DOCK3: variants seen among roughly 807,000 people sequenced by gnomAD.
DOCK3 encodes the protein dedicator of cytokinesis protein 3.
A neutral mutation model predicts 265.6 loss-of-function variants in DOCK3; 60 were observed. The ratio of observed to expected loss-of-function variants is 0.23; its 90% CI spans 0.18 to 0.28. The LOEUF (loss-of-function observed/expected upper bound fraction) is 0.28. DOCK3 is among the 10% of genes least tolerant of loss of function. DOCK3 has a pLI of 1.00. For synonymous variants in DOCK3, 881 were observed against 938.0 expected (o/e 0.94, Z 1.11); for missense variants, 1,981 against 2,594.3 (o/e 0.76, Z 5.14).
chr3:50,796,139 C>A (rs2042762401), intron 2 of DOCK3, among the ~76,000 whole-genome samples: 1 of 151,656 alleles, frequency 6.6e-6, no homozygotes, highest in South Asian at 2.1e-4. Flanking sequence ...CTCCTGGGTT[C>A]ACGCCATTCT....
intron 4 of DOCK3, among the ~76,000 whole-genome samples, chr3:50,895,393 CTTT>C (rs1252465360): frequency 1.4e-5 from 2 of 146,104 alleles, no homozygotes; most frequent in Non-Finnish European, 3.0e-5. Context: ...TCTTCTTCTT[CTTT>C]TTTTTTTAAG....
rs141259233 is a variant in DOCK3 at position 51,044,671 on chromosome 3, G to T, written c.316-19777G>T. Among the ~76,000 whole-genome samples, 654 of 151,130 alleles carry T rather than the reference G, an allele frequency of 4.3e-3. 8 individuals carry two copies. The highest frequency in any genetic ancestry group is 0.013 in the African/African-American group (555 of 41,202). The stretch of plus-strand genomic sequence containing the variant: ...CAGTAGAAGGCTGTTTTGAAAATCT[G>T]TTGTTTCCTGTACCCATGTTCATCA... On this transcript the variant is annotated intron_variant, in intron 5 of 52. Transcript: ENST00000266037.
intron 22 of DOCK3, among the ~76,000 whole-genome samples, chr3:51,254,747 G>C (rs1576556793): frequency 6.6e-6 from 1 of 151,614 alleles, no homozygotes; most frequent in East Asian, 1.9e-4. Context: ...CCTTTATTTT[G>C]AGCCTATGTG....
intron 12 of DOCK3, among the ~76,000 whole-genome samples, chr3:51,168,923 A>G (rs2086539595): frequency 6.6e-6 from 1 of 152,234 alleles, no homozygotes; most frequent in Non-Finnish European, 1.5e-5. Flanking sequence ...AAAACTGGGC[A>G]AAGGACATGT....
At chr3:51,199,621 A>G (rs1438972056) in intron 12 of DOCK3, among the ~76,000 whole-genome samples, 1 of 152,212 alleles carries the variant, frequency 6.6e-6, no homozygotes, top group East Asian at 1.9e-4. Context: ...GGCACAGACA[A>G]ACAAAAAGAC....
chr3:51,286,677 A>C (rs1360269656), intron 27 of DOCK3, among the ~76,000 whole-genome samples: 1 of 152,142 alleles, frequency 6.6e-6, no homozygotes, highest in Non-Finnish European at 1.5e-5. Flanking sequence ...TACCTACAAC[A>C]ATCTCATTTA....
intron 32 of DOCK3, among the ~76,000 whole-genome samples, chr3:51,328,865 C>A (rs1037444804): frequency 2.0e-5 from 3 of 151,846 alleles, no homozygotes; most frequent in African/African-American, 7.3e-5. Flanking sequence ...TAAAGGTTAA[C>A]AAAGGGGTCC....
chr3:51,280,933 C>T (rs2081076521), intron 27 of DOCK3, among the ~76,000 whole-genome samples: 1 of 152,090 alleles, frequency 6.6e-6, no homozygotes, highest in African/African-American at 2.4e-5. Flanking sequence ...CAGGAAGCTT[C>T]TACTACTATT....
chr3:51,175,207 TGGGTGGGC>T (rs2086876890), intron 12 of DOCK3, among the ~76,000 whole-genome samples: 1 of 152,088 alleles, frequency 6.6e-6, no homozygotes, highest in Non-Finnish European at 1.5e-5. Context: ...CTTGGGTCCC[TGGGTGGGC>T]GGGACTGCTC....
intron 9 of DOCK3, among the ~76,000 whole-genome samples, chr3:51,135,954 C>G (rs2084774799): frequency 6.6e-6 from 1 of 152,158 alleles, no homozygotes; most frequent in Non-Finnish European, 1.5e-5. Context: ...AAGTGATCCT[C>G]CTGCCTTGGT....
chr3:50,990,188 C>T (rs1460602119), intron 5 of DOCK3, among the ~76,000 whole-genome samples: 2 of 152,110 alleles, frequency 1.3e-5, no homozygotes, highest in Non-Finnish European at 1.5e-5. Context: ...CATTGGCATC[C>T]CTGAAAGGCA....
At chr3:50,698,357 C>G (rs371153704) in intron 1 of DOCK3, among the ~76,000 whole-genome samples, 14 of 151,782 alleles carry the variant, frequency 9.2e-5, no homozygotes, top group African/African-American at 3.4e-4. Context: ...TACGTCATTC[C>G]TTTTTATGGC....
chr3:50,926,704 C>G (rs575151350), intron 4 of DOCK3, among the ~76,000 whole-genome samples: 3 of 152,032 alleles, frequency 2.0e-5, no homozygotes, highest in African/African-American at 4.8e-5. Context: ...GATGTGAGCA[C>G]GTTATGGACT....
At chr3:50,978,193 G>A (rs1288502526) in intron 5 of DOCK3, among the ~76,000 whole-genome samples, 1 of 150,262 alleles carries the variant, frequency 6.7e-6, no homozygotes, top group African/African-American at 2.4e-5. Context: ...GTGAGGAACT[G>A]CGTTCCTTTG....
chr3:50,837,844 A>T (rs1367708759), intron 2 of DOCK3, among the ~76,000 whole-genome samples: 1 of 152,154 alleles, frequency 6.6e-6, no homozygotes, highest in Non-Finnish European at 1.5e-5. Context: ...CTGAGGCGGG[A>T]GCCTGCTTAG....
intron 5 of DOCK3, among the ~76,000 whole-genome samples, chr3:51,046,929 CTT>C (rs1434756435): frequency 6.6e-6 from 1 of 151,962 alleles, no homozygotes; most frequent in Non-Finnish European, 1.5e-5. Context: ...AAACAACACT[CTT>C]GAATAGTTAT....
chr3:50,818,261 A>G (rs1004440644), intron 2 of DOCK3, among the ~76,000 whole-genome samples: 2 of 152,220 alleles, frequency 1.3e-5, no homozygotes, highest in African/African-American at 4.8e-5. Context: ...TTTCAGCCCC[A>G]TACCGTACTC....
At chr3:50,756,423 C>T (rs563977111) in intron 1 of DOCK3, among the ~76,000 whole-genome samples, 1 of 152,180 alleles carries the variant, frequency 6.6e-6, no homozygotes, top group South Asian at 2.1e-4. Flanking sequence ...TTCTCCTGCC[C>T]TGCTTGTCTG....
At chr3:51,022,296 A>G (rs2108884947) in intron 5 of DOCK3, among the ~76,000 whole-genome samples, 1 of 152,350 alleles carries the variant, frequency 6.6e-6, no homozygotes, top group Non-Finnish European at 1.5e-5. Context: ...TTGCCTATGA[A>G]TAATGACAGT....
Sources: allele counts gnomAD v4.1 joint callset (sites outside exome capture counted in the v4.1 genomes callset), GRCh38; gene constraint gnomAD v4.1.1; transcripts MANE v1.5; gene names NCBI Gene and HGNC (gene_info 2026-07-23, HGNC 2026-07-21).